The following MCM6 variants were observed in gnomAD, a reference collection of about 807,000 sequenced individuals.
The protein encoded by MCM6 is minichromosome maintenance complex component 6, also known as DNA replication licensing factor MCM6.
A neutral mutation model predicts 94.3 loss-of-function variants in MCM6; 46 were observed. The observed-to-expected ratio is 0.49, with a 90% CI of 0.39 to 0.62. The LOEUF is 0.62. MCM6 is among the 20% of genes least tolerant of loss of function. The pLI is 0.00. For synonymous variants in MCM6, 335 were observed against 351.9 expected, an observed-to-expected ratio of 0.95 and a Z score of 0.54; for missense variants, 865 against 1,017.9, an observed-to-expected ratio of 0.85 and a Z score of 2.04.
At chr2:135,863,319 C>T (rs941789670) in intron 7 of MCM6, among the ~76,000 whole-genome samples, 82 of 152,326 alleles carry the variant, frequency 5.4e-4, no homozygotes, top group African/African-American at 1.9e-3. Context: ...AAAAAGAACA[C>T]TGTGCTATTA....
chr2:135,871,930 T>C (rs926160681), intron 2 of MCM6, among the ~76,000 whole-genome samples: 1 of 152,208 alleles, frequency 6.6e-6, no homozygotes, highest in African/African-American at 2.4e-5. Context: ...ATATACCTAT[T>C]ACTTTTATAA....
chr2:135,862,469 A>G (rs187980004), intron 8 of MCM6, 138 bp downstream of exon 8: 3 of 956,188 alleles, frequency 3.1e-6, no homozygotes, highest in Admixed American at 5.2e-5. Context: ...CATAACTTTA[A>G]TCTATGAGAA....
In MCM6 at chr2:135,859,407, G is replaced by C. The variant is rs1222734508; in HGVS notation, c.1256C>G (p.Thr419Ser). Reference sequence around the variant, plus strand: ...AGCAGCACTGGACGCTTTACCACTGGTGTAGACAGCTCTGGGGCTGAACTC... The same window carrying C: ...AGCAGCACTGGACGCTTTACCACTGCTGTAGACAGCTCTGGGGCTGAACTC... Reference protein sequence around the residue: ...VEEFSPRAVYTSGKASSAAGL... With the variant: ...VEEFSPRAVYSSGKASSAAGL... The change falls in exon 9 of 17, where the codon ACC becomes AGC. Residue 419 changes from threonine to serine, a missense_variant. Thr to Ser is a moderately conservative substitution (Grantham distance 58, BLOSUM62 1). Transcript: ENST00000264156. 2 of 1,613,052 alleles carry C rather than the reference G, an allele frequency of 1.2e-6. No individual in the cohort carries two copies. The highest frequency in any genetic ancestry group is 3.3e-5 in the Admixed American group (2 of 59,930).
intron 11 of MCM6, among the ~76,000 whole-genome samples, chr2:135,855,594 A>G (rs1000836227): frequency 6.6e-6 from 1 of 152,182 alleles, no homozygotes; most frequent in Non-Finnish European, 1.5e-5. Flanking sequence ...GGAACCCAGG[A>G]GATTGAGGCT....
Position 135,868,668 on chromosome 2 carries a change from G to C in MCM6, c.558C>G (p.Ala186=). ...QPNICRNPVC[A]NRRRFLLDTN... is the part of the protein sequence containing the mutation. ...TATCCAGTAAGAATCTCCTCCTGTT[G>C]GCACAAACTGGATTTCGGCAGATGT... Residue 186 remains alanine, a synonymous_variant, in exon 4 of 17, where the codon GCC becomes GCG. Transcript: ENST00000264156. 1 of 1,614,016 alleles carries C rather than the reference G, an allele frequency of 6.2e-7. No individual in the cohort carries two copies. Among genetic ancestry groups the C allele is most frequent in the Non-Finnish European group, 8.5e-7 (1 of 1,179,920 alleles).
At chr2:135,874,413 G>C (rs1285608406) in intron 1 of MCM6, among the ~76,000 whole-genome samples, 11 of 152,166 alleles carry the variant, frequency 7.2e-5, no homozygotes, top group Admixed American at 7.2e-4. Context: ...CTTTGAAGGA[G>C]GAACTATCAG....
intron 1 of MCM6, among the ~76,000 whole-genome samples, chr2:135,873,709 G>C (rs1680245450): frequency 6.6e-6 from 1 of 152,168 alleles, no homozygotes; most frequent in South Asian, 2.1e-4. Context: ...TCCTGCCCTA[G>C]GGTTAACTAA....
At chr2:135,864,913 C>T in intron 7 of MCM6, 100 bp downstream of exon 7, 1 of 959,534 alleles carries the variant, frequency 1.0e-6, no homozygotes, top group East Asian at 2.8e-5. Flanking sequence ...CCACTAAAAA[C>T]TTTCACAGTC....
Position 135,856,596 on chromosome 2 carries a change from G to A in MCM6, c.1626+132C>T, listed in dbSNP as rs560345109. 13 of 839,472 alleles carry A rather than the reference G, an allele frequency of 1.5e-5. No homozygotes were observed. The East Asian group carries it at 2.7e-4, about 18-fold the overall frequency. The allele number at this position is 839,472 out of a possible 1,614,324, so 52.0% of individuals were successfully genotyped here. A position where few individuals can be genotyped will look rare whatever the true frequency, so the allele number is the denominator to read the frequency against. On this transcript the variant is annotated intron_variant, in intron 11 of 16. Transcript: ENST00000264156. ...GAGTTGCTTACTAAACCCTTTGTCC[G>A]ATCCTGTGCCACCCTGAGGGAAATC...
chr2:135,874,082 T>C (rs1367815347), intron 1 of MCM6, among the ~76,000 whole-genome samples: 4 of 152,236 alleles, frequency 2.6e-5, no homozygotes. Context: ...TTAAAGTTTA[T>C]TTTGTGACAG....
chr2:135,856,023 T>C (rs1679866967), intron 11 of MCM6, among the ~76,000 whole-genome samples: 1 of 150,114 alleles, frequency 6.7e-6, no homozygotes, highest in African/African-American at 2.5e-5. Context: ...CAAAGATAAA[T>C]GACTCATGAT....
chr2:135,857,802 G>A, intron 10 of MCM6, 95 bp downstream of exon 10: 1 of 940,718 alleles, frequency 1.1e-6, no homozygotes, highest in South Asian at 1.4e-5. Context: ...ATTACACACT[G>A]AAGTAATGAA....
At chr2:135,858,722 A>G (rs1284578408) in intron 9 of MCM6, among the ~76,000 whole-genome samples, 1 of 152,186 alleles carries the variant, frequency 6.6e-6, no homozygotes, top group African/African-American at 2.4e-5. Context: ...TCAACATCAA[A>G]ACCTTGTGTC....
chr2:135,875,033 G>A (rs1023643027), intron 1 of MCM6, among the ~76,000 whole-genome samples: 3 of 152,160 alleles, frequency 2.0e-5, no homozygotes, highest in African/African-American at 4.8e-5. Context: ...GGTAACGGAG[G>A]AGAGTTCGTG....
At chr2:135,873,237 G>T (rs1680236850) in intron 1 of MCM6, among the ~76,000 whole-genome samples, 1 of 152,192 alleles carries the variant, frequency 6.6e-6, no homozygotes, top group South Asian at 2.1e-4. Flanking sequence ...CACCATGATT[G>T]TGAGGTTTAA....
chr2:135,856,881 A>T lies in MCM6; in HGVS notation c.1473T>A (p.Ala491=). ...TISITKAGVK[A]TLNARTSILA... Reference sequence around the variant, plus strand: ...AAATGGACGTCCGGGCGTTCAGAGTAGCCTGACCACAAAAGAAAGAATCTT... The same window carrying T: ...AAATGGACGTCCGGGCGTTCAGAGTTGCCTGACCACAAAAGAAAGAATCTT... Residue 491 remains alanine, a splice_region_variant and synonymous_variant, in exon 11 of 17, where the codon GCT becomes GCA. Coordinates refer to ENST00000264156, the MANE Select transcript of MCM6 (RefSeq NM_005915.6). 6.2e-7 allele frequency: 1 copy of T among 1,609,128 alleles called. No individual in the cohort carries two copies. The highest frequency in any genetic ancestry group is 8.5e-7 in the Non-Finnish European group (1 of 1,178,544).
At chr2:135,859,728 G>A (rs973678584) in intron 8 of MCM6, among the ~76,000 whole-genome samples, 8 of 151,810 alleles carry the variant, frequency 5.3e-5, no homozygotes, top group African/African-American at 1.9e-4. Flanking sequence ...TCAGCCTCCC[G>A]AGTAGCTAGG....
chr2:135,859,270 C>T, intron 9 of MCM6, 31 bp downstream of exon 9: 1 of 1,588,306 alleles, frequency 6.3e-7, no homozygotes, highest in African/African-American at 1.3e-5. Flanking sequence ...ATTCTGACTT[C>T]TTTATACTGA....
intron 11 of MCM6, among the ~76,000 whole-genome samples, chr2:135,854,256 G>T (rs1048794756): frequency 2.0e-5 from 3 of 151,696 alleles, no homozygotes; most frequent in Non-Finnish European, 4.4e-5. Context: ...AAACAGGCTG[G>T]GCCCGGTGGC....
Sources: allele counts gnomAD v4.1 joint callset (sites outside exome capture counted in the v4.1 genomes callset), GRCh38; gene constraint gnomAD v4.1.1; transcripts MANE v1.5; gene names NCBI Gene and HGNC (gene_info 2026-07-23, HGNC 2026-07-21).